FKBP15: variants seen among roughly 807,000 people sequenced by gnomAD.
FKBP15 encodes the protein FKBP prolyl isomerase family member 15.
In FKBP15, 106 loss-of-function variants were observed where a neutral mutation model predicts 158.1. The observed-to-expected ratio is 0.67, with a 90% confidence interval of 0.57 to 0.79. The LOEUF is 0.79. Ranked by LOEUF, FKBP15 falls within the 30% of genes least tolerant of loss-of-function variation. The pLI is 0.00. For synonymous variants in FKBP15, 547 were observed against 548.6 expected (o/e 1.00, Z 0.04); for missense variants, 1,287 against 1,479.1 (o/e 0.87, Z 2.13).
chr9:113,184,681 T>G lies in FKBP15; in HGVS notation c.1608+14A>C, dbSNP rs770709825. On this transcript the variant is annotated intron_variant, in intron 16 of 27. Coordinates refer to ENST00000238256, the MANE Select transcript of FKBP15 (RefSeq NM_015258.2). This position sits in a 1 kb window ranked among gnomAD's most constrained non-coding sequence, Gnocchi z 4.5. ...TCCCCACTTTCAACATCACCCCAAC[T>G]CTGACTCAGTCACCTTAGTCATGAG... is the stretch of plus-strand genomic sequence containing the variant. 1.5e-5 allele frequency: 24 copies of G among 1,579,878 alleles called. No individual in the cohort carries two copies. The highest frequency in any genetic ancestry group is 1.3e-5 in the Non-Finnish European group (15 of 1,157,740).
At chr9:113,183,009 AGATCTGAAGTAGTGAGAT>A in intron 18 of FKBP15, 141 bp from the exon 19 acceptor site, 1 of 735,148 alleles carries the variant, frequency 1.4e-6, no homozygotes, top group Non-Finnish European at 2.3e-6. Flanking sequence ...TCTTTTCCTT[AGATCTGAAGTAGTGAGAT>A]CTAAGGAAAT....
At chr9:113,193,391 T>C in intron 11 of FKBP15, 101 bp downstream of exon 11, 5 of 881,808 alleles carry the variant, frequency 5.7e-6, no homozygotes, top group Non-Finnish European at 8.7e-6. Context: ...CCTAGGCTGG[T>C]CTTGAACTCC....
chr9:113,206,260 A>C, intron 4 of FKBP15: 1 of 518,906 alleles, frequency 1.9e-6, no homozygotes, highest in Non-Finnish European at 3.4e-6. Flanking sequence ...AAAAATGCCC[A>C]AATTCTTAAG....
At position 113,182,825 on chromosome 9, in the gene FKBP15, AGTT is replaced by A; in HGVS notation, c.1852_1854del (p.Asn618del). 1 of 1,613,852 alleles carries A rather than the reference AGTT, an allele frequency of 6.2e-7. No individual in the cohort carries two copies. Among genetic ancestry groups the A allele is most frequent in the Non-Finnish European group, 8.5e-7 (1 of 1,179,780 alleles). Reference sequence around the variant, plus strand: ...GTGTTTTCTGTGGCTGTCTGAAGTGAGTTGTTCCTCTTCTCCATCATCAGGTTA... The same window carrying A: ...GTGTTTTCTGTGGCTGTCTGAAGTGAGTTCCTCTTCTCCATCATCAGGTTA... On this transcript the variant is annotated inframe_deletion, in exon 19 of 28. Coordinates refer to ENST00000238256, the MANE Select transcript of FKBP15 (RefSeq NM_015258.2).
chr9:113,221,151 C>CT lies in FKBP15; in HGVS notation c.53+39dup, dbSNP rs781587113. 1.9e-6 allele frequency: 3 copies of CT among 1,576,296 alleles called. No homozygotes were observed. The African/African-American group carries it at 4.0e-5, about 21-fold the overall frequency. On this transcript the variant is annotated intron_variant, in intron 1 of 27. Coordinates refer to ENST00000238256, the MANE Select transcript of FKBP15 (RefSeq NM_015258.2). ...CCCCTCCAACAATCCGCCGGTATCT[C>CT]TCAGCCACGCCCTCCAGCGCATACT...
chr9:113,209,209 C>T (rs1292344470), intron 2 of FKBP15, among the ~76,000 whole-genome samples: 2 of 152,012 alleles, frequency 1.3e-5, no homozygotes, highest in African/African-American at 4.8e-5. Context: ...AGTTCAAGGC[C>T]GTAGTGCACT....
intron 1 of FKBP15, 73 bp downstream of exon 1, chr9:113,221,118 G>C: frequency 6.8e-7 from 1 of 1,479,310 alleles, no homozygotes. Flanking sequence ...CCTGAGAAGA[G>C]ATCGACCCCC....
At chr9:113,201,686 T>C (rs1338390589) in intron 6 of FKBP15, among the ~76,000 whole-genome samples, 1 of 152,246 alleles carries the variant, frequency 6.6e-6, no homozygotes, top group African/African-American at 2.4e-5. Context: ...GCTGGCACCC[T>C]GATCTCAGAC....
chr9:113,185,036 C>T (rs1231459965), intron 15 of FKBP15, among the ~76,000 whole-genome samples: 1 of 152,210 alleles, frequency 6.6e-6, no homozygotes, highest in African/African-American at 2.4e-5. Flanking sequence ...TCAAGGGCTA[C>T]ATCTGGTCCA....
chr9:113,168,968 C>T (rs1337439630), intron 26 of FKBP15, among the ~76,000 whole-genome samples: 1 of 152,156 alleles, frequency 6.6e-6, no homozygotes, highest in African/African-American at 2.4e-5. Context: ...CACACTATCA[C>T]AGGGCCCACC....
intron 21 of FKBP15, 73 bp downstream of exon 21, chr9:113,176,464 T>C (rs1830301142): frequency 6.8e-7 from 1 of 1,463,570 alleles, no homozygotes; most frequent in South Asian, 1.3e-5. Flanking sequence ...GCACATACTA[T>C]TGTAATTTGT....
intron 14 of FKBP15, 95 bp from the exon 15 acceptor site, chr9:113,186,458 G>T (rs1218192088): frequency 3.3e-6 from 3 of 906,314 alleles, no homozygotes; most frequent in African/African-American, 3.3e-5. Context: ...GGATGAGCTG[G>T]GAGGAGACTC....
intron 1 of FKBP15, among the ~76,000 whole-genome samples, chr9:113,216,253 A>T (rs562254304): frequency 6.6e-6 from 1 of 152,302 alleles, no homozygotes; most frequent in Non-Finnish European, 1.5e-5. Context: ...TGAAGTAAAC[A>T]TTGAAACTTC....
At chr9:113,172,494 A>G (rs1306412209) in intron 23 of FKBP15, among the ~76,000 whole-genome samples, 1 of 152,076 alleles carries the variant, frequency 6.6e-6, no homozygotes, top group African/African-American at 2.4e-5. Flanking sequence ...ATTTCTCCAC[A>G]TCCTCTCCAG....
At chr9:113,206,275 GATC>G in intron 4 of FKBP15, 1 of 546,680 alleles carries the variant, frequency 1.8e-6, no homozygotes, top group Non-Finnish European at 3.2e-6. Context: ...CTTAAGCTAG[GATC>G]ATATCACAAA....
intron 19 of FKBP15, among the ~76,000 whole-genome samples, chr9:113,180,468 G>A (rs561033101): frequency 3.2e-4 from 49 of 151,596 alleles, no homozygotes; most frequent in African/African-American, 1.1e-3. Flanking sequence ...TAAGGTCAGG[G>A]TATAATCAAG....
Position 113,193,565 on chromosome 9 carries a change from C to A in FKBP15, c.1008-16G>T. The A allele has an allele frequency of 1.3e-6, 2 of 1,588,640 alleles. No homozygotes were observed. Among genetic ancestry groups the A allele is most frequent in the African/African-American group, 1.3e-5 (1 of 74,684 alleles). ...AGCTGGCTCCCTGAAAGCAAATAGA[C>A]CATATTCCAAGATTGAAAACAAAAT... is the stretch of plus-strand genomic sequence containing the variant. On this transcript the variant is annotated splice_polypyrimidine_tract_variant and intron_variant, in intron 10 of 27. Transcript: ENST00000238256.
intron 20 of FKBP15, among the ~76,000 whole-genome samples, chr9:113,177,985 A>AT (rs202168159): frequency 1.8e-4 from 28 of 151,994 alleles, no homozygotes; most frequent in Admixed American, 5.9e-4. Flanking sequence ...GAGATAAAGG[A>AT]TTTTTTTTTA....
chr9:113,176,471 T>C, intron 21 of FKBP15, 66 bp downstream of exon 21: 1 of 1,496,386 alleles, frequency 6.7e-7, no homozygotes, highest in Non-Finnish European at 9.0e-7. Context: ...CTATTGTAAT[T>C]TGTAAAAGGA....
Sources: allele counts gnomAD v4.1 joint callset (sites outside exome capture counted in the v4.1 genomes callset), GRCh38; gene constraint gnomAD v4.1.1; non-coding constraint Gnocchi (gnomAD v3.1); transcripts MANE v1.5; gene names NCBI Gene and HGNC (gene_info 2026-07-23, HGNC 2026-07-21).